Variants in ABCA13 observed in about 807,000 individuals in gnomAD.
The protein encoded by ABCA13 is ATP binding cassette subfamily A member 13, also known as ATP-binding cassette sub-family A member 13.
In ABCA13, 476 loss-of-function variants were observed where a neutral mutation model predicts 478.7. That is an observed-to-expected ratio of 0.99 (90% confidence interval 0.92 to 1.07). ABCA13 has a LOEUF of 1.07. Ranked by LOEUF, ABCA13 falls within the 50% of genes least tolerant of loss-of-function variation. The probability of loss-of-function intolerance (pLI) is 0.00; values close to 1 mark genes in which losing one functional copy is unlikely to be tolerated. For synonymous variants in ABCA13, 2,252 were observed against 2,158.9 expected (o/e 1.04, Z -1.20); for missense variants, 6,060 against 5,910.6 (o/e 1.03, Z -0.83).
At chr7:48,475,072 A>T (rs1191055143) in intron 45 of ABCA13, among the ~76,000 whole-genome samples, 1 of 152,236 alleles carries the variant, frequency 6.6e-6, no homozygotes, top group Non-Finnish European at 1.5e-5. Context: ...ATTGTCCTTG[A>T]ATTGACAGTG....
intron 15 of ABCA13, among the ~76,000 whole-genome samples, chr7:48,255,367 A>C (rs1024004851): frequency 6.6e-6 from 1 of 152,166 alleles, no homozygotes; most frequent in African/African-American, 2.4e-5. Context: ...CATAATATTA[A>C]AGGAATTAAT....
chr7:48,210,766 A>G (rs1403287016), intron 3 of ABCA13, among the ~76,000 whole-genome samples: 1 of 152,146 alleles, frequency 6.6e-6, no homozygotes, highest in East Asian at 1.9e-4. Context: ...AATATATAAT[A>G]TATCCTTGAG....
Position 48,278,224 on chromosome 7 carries a change from T to A in ABCA13, c.7030T>A (p.Phe2344Ile). The change falls in exon 18 of 62, where the codon TTT becomes ATT. Residue 2344 changes from phenylalanine (F) to isoleucine (I), a missense_variant. Transcript: ENST00000435803. ...TATATATCACCTAATGAAAAGTTCA[T>A]TTATATTAGACAATGGAGAATTTTA... ...ETIYHLMKSSFILDNGEFYFD... is the reference protein window; with the variant it reads ...ETIYHLMKSSIILDNGEFYFD... 6.2e-7 allele frequency: 1 copy of A among 1,606,684 alleles called. No individual in the cohort carries two copies. The highest frequency in any genetic ancestry group is 1.1e-5 in the South Asian group (1 of 89,952).
chr7:48,287,971 T>C lies in ABCA13; in HGVS notation c.8848T>C (p.Trp2950Arg), dbSNP rs1797995173. ...VLTIVAENPS[W>R]TKDILCATLS... is the part of the protein sequence containing the mutation. Reference sequence around the variant, plus strand: ...GTTTCCTCTGGCAGAAAACCCTTCCTGGACCAAGGACATTTTGTGTGCTAC... The same window carrying C: ...GTTTCCTCTGGCAGAAAACCCTTCCCGGACCAAGGACATTTTGTGTGCTAC... The change falls in exon 20 of 62, where the codon TGG (tryptophan) becomes CGG (arginine). Residue 2950 changes from tryptophan to arginine, a missense_variant. Around this residue, in one of 3 missense-constraint regions of ABCA13, gnomAD observed 4,423 missense variants for 4,309.1 expected, o/e 1.03. Transcript: ENST00000435803. 1 of 1,613,892 alleles carries C rather than the reference T, an allele frequency of 6.2e-7. No individual in the cohort carries two copies. The highest frequency in any genetic ancestry group is 8.5e-7 in the Non-Finnish European group (1 of 1,179,792).
At chr7:48,618,315 A>C (rs1792796520) in intron 59 of ABCA13, among the ~76,000 whole-genome samples, 1 of 152,144 alleles carries the variant, frequency 6.6e-6, no homozygotes, top group Non-Finnish European at 1.5e-5. Context: ...GCACTTCACC[A>C]TCTGAGAAGG....
At chr7:48,417,514 A>G (rs1386474343) in intron 41 of ABCA13, among the ~76,000 whole-genome samples, 2 of 152,138 alleles carry the variant, frequency 1.3e-5, no homozygotes, top group Non-Finnish European at 2.9e-5. Context: ...TTATTCATTT[A>G]TTTTAATTTT....
chr7:48,458,986 A>G (rs779871216), intron 43 of ABCA13, among the ~76,000 whole-genome samples: 1 of 152,200 alleles, frequency 6.6e-6, no homozygotes, highest in Non-Finnish European at 1.5e-5. Context: ...GGGTCTGGTC[A>G]GCCATTCATG....
chr7:48,264,372 G>T (rs1162208410), intron 15 of ABCA13, among the ~76,000 whole-genome samples: 1 of 151,810 alleles, frequency 6.6e-6, no homozygotes, highest in Admixed American at 6.6e-5. Context: ...GTTTTTTAAA[G>T]TCATTGTACC....
intron 60 of ABCA13, among the ~76,000 whole-genome samples, chr7:48,644,087 T>C (rs1795283129): frequency 6.6e-6 from 1 of 152,200 alleles, no homozygotes; most frequent in South Asian, 2.1e-4. Context: ...AGTGAAATCC[T>C]ACTATGCAAG....
chr7:48,625,593 G>T (rs1236751233), intron 59 of ABCA13, among the ~76,000 whole-genome samples: 1 of 152,064 alleles, frequency 6.6e-6, no homozygotes, highest in Non-Finnish European at 1.5e-5. Context: ...CATCTCATTT[G>T]TTGTCACAAC....
chr7:48,512,440 CAT>C (rs1000480729), intron 51 of ABCA13, among the ~76,000 whole-genome samples: 1 of 152,050 alleles, frequency 6.6e-6, no homozygotes, highest in Non-Finnish European at 1.5e-5. Context: ...TTATAGTAGA[CAT>C]ATATTTATTA....
chr7:48,558,106 G>T (rs1177951038), intron 55 of ABCA13, among the ~76,000 whole-genome samples: 1 of 149,380 alleles, frequency 6.7e-6, no homozygotes, highest in Non-Finnish European at 1.5e-5. Context: ...GCATTCTTTA[G>T]TATGTCAATT....
In ABCA13 at chr7:48,229,926, T is replaced by A. The variant is rs748100869; in HGVS notation, c.734T>A (p.Phe245Tyr). ...AATGTGACCATTTCGACACTGACAT[T>A]TCTGCAGCAACATGGAGTAGCAGTC... The part of the protein sequence containing the change: ...VLNVTISTLT[F>Y]LQQHGVAVTE... Residue 245 changes from phenylalanine (F) to tyrosine (Y), a missense_variant, in exon 7 of 62, where the codon TTT (phenylalanine) becomes TAT (tyrosine). Coordinates refer to ENST00000435803, the MANE Select transcript of ABCA13 (RefSeq NM_152701.5). The A allele has an allele frequency of 8.7e-6, 14 of 1,613,898 alleles. No individual in the cohort carries two copies. The highest frequency in any genetic ancestry group is 3.3e-4 in the Middle Eastern group (2 of 6,084).
In ABCA13 at chr7:48,580,213, T is replaced by G. The variant is rs1250654737; in HGVS notation, c.14355-11T>G. 4 of 1,600,784 alleles carry G rather than the reference T, an allele frequency of 2.5e-6. No homozygotes were observed. The South Asian group carries it at 4.5e-5, about 18-fold the overall frequency. ...ACTGCTGTTCTCAGCCTGTGCTGCT[T>G]CTCTCTGCAGAGACGCCGTGGACCT... On this transcript the variant is annotated splice_polypyrimidine_tract_variant and intron_variant, in intron 55 of 61. Transcript: ENST00000435803.
chr7:48,260,857 T>C (rs1794073083), intron 15 of ABCA13, among the ~76,000 whole-genome samples: 1 of 152,002 alleles, frequency 6.6e-6, no homozygotes, highest in African/African-American at 2.4e-5. Context: ...TGCTTTTCTG[T>C]GTTGGAACTT....
intron 43 of ABCA13, among the ~76,000 whole-genome samples, chr7:48,458,311 G>A (rs1585409454): frequency 6.6e-6 from 1 of 152,142 alleles, no homozygotes; most frequent in Non-Finnish European, 1.5e-5. Flanking sequence ...CAGGCCACCC[G>A]TGGTAACCCA....
intron 58 of ABCA13, among the ~76,000 whole-genome samples, chr7:48,606,294 T>C (rs956121581): frequency 1.4e-4 from 21 of 152,090 alleles, no homozygotes; most frequent in African/African-American, 5.1e-4. Context: ...AGAAGAGGTG[T>C]TCTGGTTTTT....
chr7:48,235,672 T>C (rs553105305), intron 8 of ABCA13, among the ~76,000 whole-genome samples: 2 of 152,270 alleles, frequency 1.3e-5, no homozygotes, highest in Admixed American at 6.5e-5. Flanking sequence ...GACATACTGT[T>C]GTGGGGGAGG....
Position 48,466,146 on chromosome 7 carries a change from C to T in ABCA13, c.12816-810C>T, listed in dbSNP as rs537754289. Among the ~76,000 whole-genome samples, 5 of 152,196 alleles carry T rather than the reference C, an allele frequency of 3.3e-5. No individual in the cohort carries two copies. The South Asian group carries it at 1.0e-3, about 32-fold the overall frequency. On this transcript the variant is annotated intron_variant, in intron 43 of 61. Coordinates refer to ENST00000435803, the MANE Select transcript of ABCA13 (RefSeq NM_152701.5). The stretch of plus-strand genomic sequence containing the variant: ...TTAGAATTTTAATTAATTAAATGAG[C>T]TCATTCTCATTCAGTCCAATTTAGA...
Sources: allele counts gnomAD v4.1 joint callset (sites outside exome capture counted in the v4.1 genomes callset), GRCh38; gene constraint gnomAD v4.1.1; regional missense constraint gnomAD v4.1.1; transcripts MANE v1.5; gene names NCBI Gene and HGNC (gene_info 2026-07-23, HGNC 2026-07-21).